The following GASK1A variants were observed in gnomAD, a reference collection of about 807,000 sequenced individuals.
The protein encoded by GASK1A is golgi associated kinase 1A.
GASK1A carries 40 observed loss-of-function variants against 41.2 expected under a neutral mutation model. The observed-to-expected ratio is 0.97, with a 90% confidence interval of 0.75 to 1.27. The LOEUF (loss-of-function observed/expected upper bound fraction) is 1.27. GASK1A is among the 50% of genes most tolerant of loss of function. GASK1A has a pLI of 0.00. For synonymous variants in GASK1A, 316 were observed against 307.1 expected (o/e 1.03, Z -0.30); for missense variants, 678 against 745.1 (o/e 0.91, Z 1.05).
At chr3:43,002,133 G>A (rs138121449) in intron 1 of GASK1A, among the ~76,000 whole-genome samples, 23 of 152,212 alleles carry the variant, frequency 1.5e-4, no homozygotes, top group African/African-American at 5.5e-4. Context: ...TCAAACATTC[G>A]TCTTCCCAGA....
chr3:43,054,485 C>T (rs569236684), intron 3 of GASK1A, among the ~76,000 whole-genome samples: 1 of 152,150 alleles, frequency 6.6e-6, no homozygotes, highest in African/African-American at 2.4e-5. Context: ...ACAGCAGTTT[C>T]CAGAGGGAAG....
At chr3:43,018,030 G>C (rs2089502826) in intron 1 of GASK1A, among the ~76,000 whole-genome samples, 1 of 152,050 alleles carries the variant, frequency 6.6e-6, no homozygotes, top group African/African-American at 2.4e-5. Context: ...GGCTGCTTGA[G>C]GTCACGGGAA....
At chr3:42,996,413 C>A (rs2089369871) in intron 1 of GASK1A, among the ~76,000 whole-genome samples, 1 of 152,180 alleles carries the variant, frequency 6.6e-6, no homozygotes, top group African/African-American at 2.4e-5. Flanking sequence ...AATGTTACCA[C>A]CATAAGAGGG....
At chr3:43,001,094 C>T (rs1575437734) in intron 1 of GASK1A, among the ~76,000 whole-genome samples, 1 of 152,172 alleles carries the variant, frequency 6.6e-6, no homozygotes, top group East Asian at 1.9e-4. Flanking sequence ...CACCCCTGCC[C>T]CTCCCTGTCC....
chr3:43,030,291 G>C (rs554756458), intron 1 of GASK1A, among the ~76,000 whole-genome samples: 1 of 152,236 alleles, frequency 6.6e-6, no homozygotes, highest in Non-Finnish European at 1.5e-5. Flanking sequence ...ACAGGCATGA[G>C]CGACCGCGCC....
intron 1 of GASK1A, among the ~76,000 whole-genome samples, chr3:43,026,566 A>G (rs2089547783): frequency 6.6e-6 from 1 of 152,240 alleles, no homozygotes; most frequent in Non-Finnish European, 1.5e-5. Context: ...GAAATGCAAG[A>G]ACTCAAGAAA....
At position 43,027,187 on chromosome 3, in the gene GASK1A, A is replaced by G. The variant is rs146427681; in HGVS notation, c.4-5080A>G. ...ACAGTTGGAACATGCAAGAAATCAG[A>G]GAATATTGTTCCCATGTGAATTTCA... On this transcript the variant is annotated intron_variant, in intron 1 of 4. Transcript: ENST00000430121. Among the ~76,000 whole-genome samples the G allele has an allele frequency of 5.8e-3, 876 of 152,328 alleles. 6 individuals are homozygous for G. The highest frequency in any genetic ancestry group is 0.02 in the African/African-American group (818 of 41,558).
Position 43,033,300 on chromosome 3 carries a change from C to A in GASK1A, c.1037C>A (p.Ala346Asp). Residue 346 changes from alanine to aspartate, a missense_variant, in exon 2 of 5, where the codon GCT (alanine) becomes GAT (aspartate). Physicochemically the swap from Ala to Asp is moderately radical, Grantham distance 126. Coordinates refer to ENST00000430121, the MANE Select transcript of GASK1A (RefSeq NM_001129908.3). The stretch of plus-strand genomic sequence containing the variant: ...CTGGGGCTGCGCCGGAGCCTACCTG[C>A]TGTGGCCCGCCGCTTCCATAGCCCC... The part of the protein sequence containing the change: ...RVLGLRRSLP[A>D]VARRFHSPLL... 1 of 1,551,348 alleles carries A rather than the reference C, an allele frequency of 6.4e-7. No homozygotes were observed.
Position 43,034,376 on chromosome 3 carries a change from G to A in GASK1A, c.1290+823G>A, listed in dbSNP as rs140389630. On this transcript the variant is annotated intron_variant, in intron 2 of 4. Coordinates refer to ENST00000430121, the MANE Select transcript of GASK1A (RefSeq NM_001129908.3). ...AAGGGGTTGTGTTGTCAGGGTACAC[G>A]GGCTGACTGGGGGACTACAGGCACC... Among the ~76,000 whole-genome samples, 77 of 152,288 alleles carry A rather than the reference G, an allele frequency of 5.1e-4. No individual in the cohort carries two copies. The East Asian group carries it at 7.7e-3, about 15-fold the overall frequency.
At chr3:43,035,018 C>A (rs982298399) in intron 2 of GASK1A, among the ~76,000 whole-genome samples, 1 of 152,202 alleles carries the variant, frequency 6.6e-6, no homozygotes, top group Non-Finnish European at 1.5e-5. Context: ...TCTATGTCCC[C>A]GTGGCTGCTT....
intron 2 of GASK1A, among the ~76,000 whole-genome samples, chr3:43,046,700 A>T (rs1575451772): frequency 6.6e-6 from 1 of 152,324 alleles, no homozygotes; most frequent in East Asian, 1.9e-4. Context: ...AGGGCATGTC[A>T]GAGGTCTTCA....
intron 2 of GASK1A, among the ~76,000 whole-genome samples, chr3:43,047,551 G>A (rs981973372): frequency 6.6e-6 from 1 of 152,152 alleles, no homozygotes; most frequent in Non-Finnish European, 1.5e-5. Flanking sequence ...ACTGATTGCT[G>A]TTGGTCCACT....
At position 43,055,501 on chromosome 3, in the gene GASK1A, A is replaced by G; in HGVS notation, c.1483A>G (p.Lys495Glu). 6.4e-7 allele frequency: 1 copy of G among 1,552,056 alleles called. No individual in the cohort carries two copies. Among genetic ancestry groups the G allele is most frequent in the East Asian group, 2.4e-5 (1 of 40,906 alleles). The change falls in exon 4 of 5, where the codon AAG becomes GAG. Residue 495 changes from lysine (K) to glutamate (E), a missense_variant. Physicochemically the swap from Lys to Glu is moderately conservative, Grantham distance 56. Transcript: ENST00000430121. The part of the protein sequence containing the change: ...NAGNLQHPED[K>E]LNFRLLEGID... Reference sequence around the variant, plus strand: ...TGGCAACCTTCAGCACCCTGAGGACAAGCTGAACTTTCGGCTGCTGGAGGG... The same window carrying G: ...TGGCAACCTTCAGCACCCTGAGGACGAGCTGAACTTTCGGCTGCTGGAGGG...
At chr3:43,029,376 G>T (rs1005123936) in intron 1 of GASK1A, among the ~76,000 whole-genome samples, 1 of 152,164 alleles carries the variant, frequency 6.6e-6, no homozygotes, top group Non-Finnish European at 1.5e-5. Context: ...GGCAATGGTG[G>T]TGTGTGCGTC....
At chr3:42,990,578 C>G (rs1040800159) in intron 1 of GASK1A, among the ~76,000 whole-genome samples, 2 of 152,210 alleles carry the variant, frequency 1.3e-5, no homozygotes, top group Non-Finnish European at 2.9e-5. Context: ...TGAGCACGCT[C>G]TATACCCTAG....
At chr3:43,020,348 A>C (rs994270577) in intron 1 of GASK1A, among the ~76,000 whole-genome samples, 8 of 152,194 alleles carry the variant, frequency 5.3e-5, no homozygotes, top group African/African-American at 1.9e-4. Context: ...GTCCTTCTTA[A>C]AAGACCTCCA....
At chr3:42,999,326 G>T (rs2089394172) in intron 1 of GASK1A, among the ~76,000 whole-genome samples, 1 of 152,186 alleles carries the variant, frequency 6.6e-6, no homozygotes, top group East Asian at 1.9e-4. Flanking sequence ...GTGCATACTG[G>T]TGCTTCTCCT....
At chr3:43,052,245 C>T (rs2089694795) in intron 2 of GASK1A, among the ~76,000 whole-genome samples, 1 of 152,178 alleles carries the variant, frequency 6.6e-6, no homozygotes, top group Admixed American at 6.5e-5. Context: ...CCACACCAAA[C>T]CTGAACTCAA....
In GASK1A at chr3:43,057,378, G is replaced by A. The variant is rs1401692476; in HGVS notation, c.*992G>A. On this transcript the variant is annotated 3_prime_UTR_variant, in exon 5 of 5. Coordinates refer to ENST00000430121, the MANE Select transcript of GASK1A (RefSeq NM_001129908.3). ...GTATTCTGAGAGAAACTGCCAAATT[G>A]CTCTCTGAAATGGTGGTGTCAATTT... The A allele has an allele frequency of 6.6e-6, 1 of 152,178 alleles. No individual in the cohort carries two copies. Among genetic ancestry groups the A allele is most frequent in the Non-Finnish European group, 1.5e-5 (1 of 68,042 alleles). 9.4% of individuals were successfully genotyped at this position (152,178 alleles called of 1,614,324 possible). A position where few individuals can be genotyped will look rare whatever the true frequency, so the allele number is the denominator to read the frequency against.
Sources: allele counts gnomAD v4.1 joint callset (sites outside exome capture counted in the v4.1 genomes callset), GRCh38; gene constraint gnomAD v4.1.1; transcripts MANE v1.5; gene names NCBI Gene and HGNC (gene_info 2026-07-23, HGNC 2026-07-21).